The following KCNN2 variants were observed in gnomAD, a reference collection of about 807,000 sequenced individuals.
KCNN2 encodes the protein potassium calcium-activated channel subfamily N member 2.
KCNN2 carries 24 observed loss-of-function variants against 55.5 expected under a neutral mutation model. That is an observed-to-expected ratio of 0.43 (90% CI 0.31 to 0.61). The LOEUF (loss-of-function observed/expected upper bound fraction) is 0.61. Ranked by LOEUF, KCNN2 falls within the 20% of genes least tolerant of loss-of-function variation. The pLI is 0.08. For missense variants in KCNN2, 754 were observed against 853.6 expected, an observed-to-expected ratio of 0.88 and a Z score of 1.45; for synonymous variants, 431 against 336.1, an observed-to-expected ratio of 1.28 and a Z score of -3.09.
At chr5:114,417,692 G>A (rs1759349752) in intron 3 of KCNN2, among the ~76,000 whole-genome samples, 1 of 152,188 alleles carries the variant, frequency 6.6e-6, no homozygotes, top group Non-Finnish European at 1.5e-5. Flanking sequence ...GACTGTTGTA[G>A]TCAGTAATCA....
chr5:114,360,588 CTT>C (rs560871695), upstream of KCNN2, among the ~76,000 whole-genome samples: 4 of 152,292 alleles, frequency 2.6e-5, no homozygotes, highest in East Asian at 7.7e-4. Flanking sequence ...AATGTAAAGA[CTT>C]AAGATGGAGC....
At chr5:114,286,888 G>A (rs921522138) in intron 2 of KCNN2, among the ~76,000 whole-genome samples, 4 of 152,184 alleles carry the variant, frequency 2.6e-5, no homozygotes, top group South Asian at 2.1e-4. Flanking sequence ...CTATCATGAC[G>A]GAAGTGTCTA....
intron 1 of KCNN2, among the ~76,000 whole-genome samples, chr5:114,180,911 T>G (rs1301795542): frequency 6.6e-6 from 1 of 152,258 alleles, no homozygotes; most frequent in African/African-American, 2.4e-5. Context: ...ATAATGCTTC[T>G]TTCATTCAGC....
exon 1 of KCNN2, chr5:114,056,169 A>G: frequency 2.6e-6 from 1 of 391,800 alleles, no homozygotes; most frequent in Non-Finnish European, 4.5e-6. Flanking sequence ...GTTGGACCCC[A>G]ATCAGCAGCG....
intron 1 of KCNN2, among the ~76,000 whole-genome samples, chr5:114,082,319 A>G (rs1272705679): frequency 6.6e-6 from 1 of 151,576 alleles, no homozygotes; most frequent in Non-Finnish European, 1.5e-5. Flanking sequence ...GTGAGACCGT[A>G]TCTTTAAAAA....
chr5:114,187,064 C>A (rs577757807), intron 1 of KCNN2, among the ~76,000 whole-genome samples: 1 of 152,164 alleles, frequency 6.6e-6, no homozygotes, highest in African/African-American at 2.4e-5. Context: ...ACTTTAGAAA[C>A]GTAAGAGTGA....
intron 2 of KCNN2, among the ~76,000 whole-genome samples, chr5:114,281,510 T>G (rs1204720867): frequency 6.6e-6 from 1 of 152,068 alleles, no homozygotes; most frequent in African/African-American, 2.4e-5. Flanking sequence ...TTGTAGAATC[T>G]TGTTATGGTT....
chr5:114,418,561 A>G (rs1193222089), intron 3 of KCNN2, among the ~76,000 whole-genome samples: 1 of 151,596 alleles, frequency 6.6e-6, no homozygotes, highest in African/African-American at 2.4e-5. Context: ...GGGATTTGCA[A>G]TGGGGCAAGT....
rs55961518 is a variant in KCNN2, at chr5:114,164,524, G to A, written c.-270-56956G>A. 2.7e-3 allele frequency among the ~76,000 whole-genome samples: 406 copies of A among 152,084 alleles called. 3 individuals are homozygous for A. The highest frequency in any genetic ancestry group is 9.3e-3 in the African/African-American group (385 of 41,488). On this transcript the variant is annotated intron_variant, in intron 1 of 10. Coordinates refer to the KCNN2 transcript ENST00000512097. ...CAGCCTGTTGAGGTGACATGTGAGT[G>A]GAATGGAGTTAGAAAGTAGCCACCT...
intron 2 of KCNN2, among the ~76,000 whole-genome samples, chr5:114,281,795 G>C (rs573613244): frequency 1.3e-5 from 2 of 151,994 alleles, no homozygotes. Context: ...GTCCTTGAAG[G>C]CTTGAGTCAA....
chr5:114,168,327 C>T (rs1389223902), intron 1 of KCNN2, among the ~76,000 whole-genome samples: 6 of 151,854 alleles, frequency 4.0e-5, no homozygotes, highest in African/African-American at 1.5e-4. Flanking sequence ...AAGACAAGTT[C>T]CCTGTCTTTA....
At chr5:114,397,966 C>G (rs913573035) in intron 2 of KCNN2, among the ~76,000 whole-genome samples, 12 of 152,074 alleles carry the variant, frequency 7.9e-5, no homozygotes, top group African/African-American at 2.9e-4. Context: ...TGTTTTCTTT[C>G]TTTTTATAGG....
At chr5:114,429,798 G>A (rs1238921745) in intron 3 of KCNN2, among the ~76,000 whole-genome samples, 2 of 131,760 alleles carry the variant, frequency 1.5e-5, no homozygotes, top group Non-Finnish European at 3.2e-5. Flanking sequence ...GTAGAAAGGT[G>A]TAAGGTCTGT....
At chr5:114,131,801 GA>G (rs1237451862) in intron 1 of KCNN2, among the ~76,000 whole-genome samples, 2 of 152,108 alleles carry the variant, frequency 1.3e-5, no homozygotes, top group Non-Finnish European at 2.9e-5. Flanking sequence ...GTTGTTTCTT[GA>G]TTTTTTAATA....
At chr5:114,271,048 G>C (rs904948920) in intron 2 of KCNN2, among the ~76,000 whole-genome samples, 1 of 152,128 alleles carries the variant, frequency 6.6e-6, no homozygotes. Context: ...CTTCCACAGC[G>C]TGGAAGGTGA....
At chr5:114,360,652 A>G (rs887952149), upstream of KCNN2, among the ~76,000 whole-genome samples, 2 of 152,184 alleles carry the variant, frequency 1.3e-5, no homozygotes, top group African/African-American at 2.4e-5. Flanking sequence ...TACATCTCTT[A>G]GAAGAAGACA....
At chr5:114,468,422 T>TTA (rs1761555700) in intron 4 of KCNN2, among the ~76,000 whole-genome samples, 1 of 152,208 alleles carries the variant, frequency 6.6e-6, no homozygotes, top group Admixed American at 6.6e-5. Context: ...AGTATTTGTT[T>TTA]TACCTTCCTT....
intron 5 of KCNN2, among the ~76,000 whole-genome samples, chr5:114,479,362 CTATTCTAA>C (rs1359326815): frequency 6.6e-6 from 1 of 152,038 alleles, no homozygotes; most frequent in African/African-American, 2.4e-5. Context: ...AAAGAGTTAA[CTATTCTAA>C]ATATATATGC....
At chr5:114,176,398 A>T (rs1753132041) in intron 1 of KCNN2, among the ~76,000 whole-genome samples, 2 of 152,138 alleles carry the variant, frequency 1.3e-5, no homozygotes, top group Non-Finnish European at 2.9e-5. Context: ...AAATTCAGTG[A>T]TATATTAAGC....
Sources: allele counts gnomAD v4.1 joint callset (sites outside exome capture counted in the v4.1 genomes callset), GRCh38; gene constraint gnomAD v4.1.1; transcripts MANE v1.5; gene names NCBI Gene and HGNC (gene_info 2026-07-23, HGNC 2026-07-21).